The following PPP1R13B variants were observed in gnomAD, a reference collection of about 807,000 sequenced individuals.
PPP1R13B encodes protein phosphatase 1 regulatory subunit 13B, also known as apoptosis-stimulating of p53 protein 1.
PPP1R13B carries 44 observed loss-of-function variants against 119.8 expected under a neutral mutation model. That is an observed-to-expected ratio of 0.37 (90% CI 0.29 to 0.47). The LOEUF is 0.47. PPP1R13B is among the 20% of genes least tolerant of loss of function. The pLI is 0.99. For missense variants in PPP1R13B, 1,227 were observed against 1,413.5 expected, an observed-to-expected ratio of 0.87 and a Z score of 2.12; for synonymous variants, 542 against 561.5, an observed-to-expected ratio of 0.97 and a Z score of 0.49.
At chr14:103,839,620 T>A (rs2152086080) in intron 1 of PPP1R13B, among the ~76,000 whole-genome samples, 1 of 129,756 alleles carries the variant, frequency 7.7e-6, no homozygotes, top group African/African-American at 3.1e-5. Context: ...AGAGCAAAAC[T>A]CTGCCTCAAA....
chr14:103,830,978 CT>C (rs1452770697), intron 1 of PPP1R13B, among the ~76,000 whole-genome samples: 1 of 148,240 alleles, frequency 6.7e-6, no homozygotes, highest in East Asian at 2.0e-4. Flanking sequence ...AAGTCTCACT[CT>C]GTCGCCCAGG....
chr14:103,801,059 AGGCTGCT>A (rs2085889269), intron 1 of PPP1R13B, among the ~76,000 whole-genome samples: 2 of 152,160 alleles, frequency 1.3e-5, no homozygotes, highest in African/African-American at 4.8e-5. Flanking sequence ...CACATTGATC[AGGCTGCT>A]CTCAAACTCC....
At chr14:103,772,237 AT>A (rs2085087641) in intron 4 of PPP1R13B, among the ~76,000 whole-genome samples, 2 of 152,236 alleles carry the variant, frequency 1.3e-5, no homozygotes. Context: ...TTGTGCATTT[AT>A]CTGTTAACGA....
chr14:103,758,672 G>A (rs1004234222), intron 4 of PPP1R13B, among the ~76,000 whole-genome samples: 2 of 152,176 alleles, frequency 1.3e-5, no homozygotes, highest in Non-Finnish European at 2.9e-5. Flanking sequence ...AGCATGCCTA[G>A]AGGCACGCAG....
intron 1 of PPP1R13B, among the ~76,000 whole-genome samples, chr14:103,846,382 T>C (rs2087033825): frequency 6.6e-6 from 1 of 152,222 alleles, no homozygotes; most frequent in Admixed American, 6.5e-5. Context: ...GCAGGGAAAC[T>C]GCACTTTCCT....
At chr14:103,848,564 G>A (rs2087129417), upstream of PPP1R13B, 1 of 890,072 alleles carries the variant, frequency 1.1e-6, no homozygotes, top group Non-Finnish European at 1.3e-6. Flanking sequence ...ACTCCCACGG[G>A]CATCAGAAGG....
intron 1 of PPP1R13B, among the ~76,000 whole-genome samples, chr14:103,823,060 C>T (rs557956330): frequency 3.3e-5 from 5 of 151,368 alleles, no homozygotes; most frequent in East Asian, 4.0e-4. Context: ...ACAATTTGGC[C>T]GGGCACAGTG....
chr14:103,848,585 G>A, upstream of PPP1R13B: 1 of 781,640 alleles, frequency 1.3e-6, no homozygotes, highest in South Asian at 5.8e-5. Context: ...CAAGGTCTGC[G>A]GATGGCCCCA....
intron 3 of PPP1R13B, among the ~76,000 whole-genome samples, chr14:103,783,480 G>T (rs987977033): frequency 6.6e-6 from 1 of 152,072 alleles, no homozygotes; most frequent in Non-Finnish European, 1.5e-5. Flanking sequence ...ACAAACTCCT[G>T]ACCTCAAGTG....
intron 4 of PPP1R13B, among the ~76,000 whole-genome samples, chr14:103,777,387 G>A (rs1016598306): frequency 1.3e-5 from 2 of 152,276 alleles, no homozygotes; most frequent in South Asian, 2.1e-4. Flanking sequence ...CAATGATGGA[G>A]GAAGACACTG....
chr14:103,793,938 C>A (rs535200844), intron 2 of PPP1R13B, among the ~76,000 whole-genome samples: 25 of 152,190 alleles, frequency 1.6e-4, no homozygotes, highest in Admixed American at 1.0e-3. Flanking sequence ...TTTAAAGAGG[C>A]AAGAAGATAA....
chr14:103,848,165 C>T (rs1275490042), upstream of PPP1R13B: 17 of 885,912 alleles, frequency 1.9e-5, no homozygotes, highest in Non-Finnish European at 2.3e-5. Flanking sequence ...CCGGCGTCTT[C>T]CGCGGCTCTC....
At chr14:103,824,290 C>T (rs1331509735) in intron 1 of PPP1R13B, among the ~76,000 whole-genome samples, 1 of 150,332 alleles carries the variant, frequency 6.7e-6, no homozygotes, top group African/African-American at 2.4e-5. Flanking sequence ...GTGATCTGCC[C>T]GCCTCGGCCT....
At position 103,734,548 on chromosome 14, in the gene PPP1R13B, C is replaced by T. The variant is rs1196618479; in HGVS notation, c.*606G>A. ...AGCCACAGTGCTGGGCCTGCACAAT[C>T]AGCCTTTAGGTGAACTGGAACAGGA... is the stretch of plus-strand genomic sequence containing the variant. On this transcript the variant is annotated 3_prime_UTR_variant, in exon 17 of 17. Coordinates refer to ENST00000202556, the MANE Select transcript of PPP1R13B (RefSeq NM_015316.3). 4.4e-6 allele frequency: 2 copies of T among 456,334 alleles called. No individual in the cohort carries two copies. The highest frequency in any genetic ancestry group is 2.0e-5 in the African/African-American group (1 of 50,072). 28.3% of individuals were successfully genotyped at this position (456,334 alleles called of 1,614,324 possible). A position where few individuals can be genotyped will look rare whatever the true frequency, so the allele number is the denominator to read the frequency against.
intron 4 of PPP1R13B, among the ~76,000 whole-genome samples, chr14:103,771,117 T>G (rs968617037): frequency 1.3e-5 from 2 of 151,994 alleles, no homozygotes; most frequent in Non-Finnish European, 2.9e-5. Flanking sequence ...TATCACTGAG[T>G]GGAAGGAGAG....
At chr14:103,798,704 CTTTAT>C (rs779908704) in intron 1 of PPP1R13B, among the ~76,000 whole-genome samples, 15 of 152,038 alleles carry the variant, frequency 9.9e-5, no homozygotes, top group South Asian at 2.1e-4. Context: ...TCTAGCCTTA[CTTTAT>C]TTTATTTTTT....
intron 5 of PPP1R13B, among the ~76,000 whole-genome samples, chr14:103,755,789 C>A (rs937317970): frequency 6.6e-6 from 1 of 152,142 alleles, no homozygotes; most frequent in Non-Finnish European, 1.5e-5. Flanking sequence ...TGACATAATA[C>A]TATGTATATT....
chr14:103,813,878 T>C (rs894700067), intron 1 of PPP1R13B, among the ~76,000 whole-genome samples: 1 of 152,162 alleles, frequency 6.6e-6, no homozygotes, highest in Non-Finnish European at 1.5e-5. Context: ...AGGACTTCCA[T>C]AAAACTAAAT....
In PPP1R13B at chr14:103,838,210, G is replaced by GCACACACA. The variant is rs10640450; in HGVS notation, c.9+9081_9+9088dup. On this transcript the variant is annotated intron_variant, in intron 1 of 16. Coordinates refer to ENST00000202556, the MANE Select transcript of PPP1R13B (RefSeq NM_015316.3). ...CAGGATCAAGTCTAACTCTGTTATG[G>GCACACACA]CACACACACACACACACACACACAC... Among the ~76,000 whole-genome samples the GCACACACA allele has an allele frequency of 2.3e-4, 34 of 149,482 alleles. 1 individual carries two copies. Among genetic ancestry groups the GCACACACA allele is most frequent in the African/African-American group, 5.9e-4 (24 of 40,826 alleles).
Sources: gnomAD v4.1 joint callset for allele counts (sites outside exome capture counted in the v4.1 genomes callset) on GRCh38, gnomAD v4.1.1 for gene constraint, MANE v1.5 for transcripts, NCBI Gene and HGNC (gene_info 2026-07-23, HGNC 2026-07-21) for gene names.